The following LRRK2 variants were observed in gnomAD, a reference collection of about 807,000 sequenced individuals.
The protein encoded by LRRK2 is leucine-rich repeat serine/threonine-protein kinase 2.
In LRRK2, 203 loss-of-function variants were observed where a neutral mutation model predicts 302.6. The observed-to-expected ratio is 0.67, with a 90% CI of 0.60 to 0.75. LRRK2 has a LOEUF of 0.75. LRRK2 is among the 30% of genes least tolerant of loss of function. The pLI is 0.00. For missense variants in LRRK2, 2,830 were observed against 2,951.0 expected (o/e 0.96, Z 0.95); for synonymous variants, 1,066 against 1,031.9 (o/e 1.03, Z -0.63).
intron 46 of LRRK2, 42 bp downstream of exon 46, chr12:40,356,229 C>CT: frequency 1.1e-5 from 16 of 1,432,324 alleles, no homozygotes; most frequent in Non-Finnish European, 1.5e-5. Flanking sequence ...TATTTTAAGT[C>CT]TTTTGTTTTA....
intron 20 of LRRK2, among the ~76,000 whole-genome samples, chr12:40,289,080 TTGTG>T (rs2136682700): frequency 6.6e-6 from 1 of 152,030 alleles, no homozygotes; most frequent in South Asian, 2.1e-4. Context: ...AAGTTGATTT[TTGTG>T]TGTGGTGTGT....
chr12:40,348,724 CTCT>C (rs1318364831), intron 43 of LRRK2, among the ~76,000 whole-genome samples: 2 of 152,134 alleles, frequency 1.3e-5, no homozygotes, highest in Non-Finnish European at 2.9e-5. Context: ...GTCTCCTCTT[CTCT>C]TCTTTGAAAT....
chr12:40,272,904 GA>G (rs1943291231), intron 14 of LRRK2, among the ~76,000 whole-genome samples: 1 of 152,090 alleles, frequency 6.6e-6, no homozygotes, highest in East Asian at 1.9e-4. Context: ...AGAAATAAAG[GA>G]AAAATGGTAG....
intron 14 of LRRK2, among the ~76,000 whole-genome samples, chr12:40,266,388 G>A (rs1357850243): frequency 6.6e-6 from 1 of 152,194 alleles, no homozygotes; most frequent in East Asian, 1.9e-4. Flanking sequence ...GCAGCCAACA[G>A]GCACATGAAA....
intron 14 of LRRK2, among the ~76,000 whole-genome samples, chr12:40,267,127 G>A (rs1943051472): frequency 6.6e-6 from 1 of 152,056 alleles, no homozygotes; most frequent in African/African-American, 2.4e-5. Context: ...AAAACTTAAA[G>A]TATAATTAAA....
At position 40,310,825 on chromosome 12, in the gene LRRK2, A is replaced by G. The variant is rs541385262; in HGVS notation, c.4536+176A>G. 5.3e-5 allele frequency among the ~76,000 whole-genome samples: 8 copies of G among 152,156 alleles called. No individual in the cohort carries two copies. The South Asian group carries it at 1.7e-3, about 32-fold the overall frequency. ...ATTATTTATGCCAGACTTCATTTCTAATTCATAGAAATGGGAACAAAAAAT... is the reference window on the plus strand; with the variant it reads ...ATTATTTATGCCAGACTTCATTTCTGATTCATAGAAATGGGAACAAAAAAT... On this transcript the variant is annotated intron_variant, in intron 31 of 50. Transcript: ENST00000298910.
At chr12:40,236,859 T>G (rs1941488386) in intron 4 of LRRK2, among the ~76,000 whole-genome samples, 1 of 150,188 alleles carries the variant, frequency 6.7e-6, no homozygotes, top group East Asian at 1.9e-4. Context: ...TGGGAGGTAT[T>G]TTTTTTTTGA....
intron 25 of LRRK2, among the ~76,000 whole-genome samples, 167 bp from the exon 26 acceptor site, chr12:40,302,622 A>G (rs1475571945): frequency 1.3e-5 from 2 of 152,138 alleles, no homozygotes; most frequent in Non-Finnish European, 2.9e-5. Flanking sequence ...GTTTAGTGGA[A>G]GTATTAAGGC....
rs191392374 is a variant in LRRK2, at chr12:40,290,883, G to T, written c.2690-2662G>T. Reference sequence around the variant, plus strand: ...CTTTTTATAGATTCTTAATTTGGAAGCTTAGAACACTGGTTTTTAGAACCT... The same window carrying T: ...CTTTTTATAGATTCTTAATTTGGAATCTTAGAACACTGGTTTTTAGAACCT... On this transcript the variant is annotated intron_variant, in intron 20 of 50. Transcript: ENST00000298910. Among the ~76,000 whole-genome samples, 435 of 151,924 alleles carry T rather than the reference G, an allele frequency of 2.9e-3. 5 individuals are homozygous for T. The highest frequency in any genetic ancestry group is 9.4e-3 in the Admixed American group (143 of 15,214).
rs111815671 is a variant in LRRK2 at position 40,284,298 on chromosome 12, A to G, written c.2500+165A>G. Among the ~76,000 whole-genome samples the G allele has an allele frequency of 7.9e-5, 12 of 151,576 alleles. 1 individual carries two copies. The highest frequency in any genetic ancestry group is 2.7e-4 in the African/African-American group (11 of 41,422). On this transcript the variant is annotated intron_variant, in intron 19 of 50. Transcript: ENST00000298910. ...TTTGGCTATGAAATACTTCAAAATGACATTTAAGTTCTTTATGAGATAGCA... is the reference window on the plus strand; with the variant it reads ...TTTGGCTATGAAATACTTCAAAATGGCATTTAAGTTCTTTATGAGATAGCA...
intron 49 of LRRK2, 118 bp downstream of exon 49, chr12:40,365,168 C>A: frequency 1.1e-6 from 1 of 912,570 alleles, no homozygotes; most frequent in Non-Finnish European, 1.7e-6. Context: ...CTTGGAGGGT[C>A]ACACAGTGAA....
chr12:40,347,069 TATTAATAAAA>T, intron 42 of LRRK2, 146 bp downstream of exon 42: 1 of 695,010 alleles, frequency 1.4e-6, no homozygotes, highest in Non-Finnish European at 2.3e-6. Flanking sequence ...TCTTGTGATA[TATTAATAAAA>T]ATCACCTGAA....
intron 18 of LRRK2, among the ~76,000 whole-genome samples, chr12:40,283,086 A>T (rs2136653664): frequency 6.6e-6 from 1 of 152,318 alleles, no homozygotes; most frequent in Non-Finnish European, 1.5e-5. Context: ...AATTTAGCAC[A>T]GTAACTGATG....
In LRRK2 at chr12:40,237,914, A is replaced by G. The variant is rs568031921; in HGVS notation, c.437-55A>G. On this transcript the variant is annotated intron_variant, in intron 4 of 50. Coordinates refer to ENST00000298910, the MANE Select transcript of LRRK2 (RefSeq NM_198578.4). ...AAAATTAATTCATGTAAAAATTAAC[A>G]CATTAAATGTTAAAGCAGCTCTTTA... 3.3e-5 allele frequency: 52 copies of G among 1,552,650 alleles called. 1 individual carries two copies. The South Asian group carries it at 5.8e-4, about 17-fold the overall frequency.
In LRRK2 at chr12:40,299,193, A is replaced by T; in HGVS notation, c.3432A>T (p.Leu1144=). 1.2e-6 allele frequency: 2 copies of T among 1,613,678 alleles called. No homozygotes were observed. The highest frequency in any genetic ancestry group is 1.7e-4 in the Middle Eastern group (1 of 6,056). The change falls in exon 25 of 51, where the codon CTA becomes CTT. Residue 1144 remains leucine (L), a synonymous_variant. Coordinates refer to ENST00000298910, the MANE Select transcript of LRRK2 (RefSeq NM_198578.4). The stretch of plus-strand genomic sequence containing the variant: ...TTAGTAAGAACCACATTTCATCCCT[A>T]TCAGAGAACTTTCTTGAGGCTTGTC... ...LNLSKNHISS[L]SENFLEACPK...
At chr12:40,301,989 T>C (rs35124455) in intron 25 of LRRK2, among the ~76,000 whole-genome samples, 2 of 151,844 alleles carry the variant, frequency 1.3e-5, no homozygotes, top group Non-Finnish European at 2.9e-5. Flanking sequence ...CCATCCTGGC[T>C]AACATGGTGA....
rs189598068 is a variant in LRRK2, at chr12:40,271,733, C to A, written c.1657-2850C>A. ...ATAAATATTAATTTTTAAACATTTA[C>A]TTAGCTATTAAAAATCAAATGCTCA... On this transcript the variant is annotated intron_variant, in intron 14 of 50. Transcript: ENST00000298910. Among the ~76,000 whole-genome samples, 247 of 152,112 alleles carry A rather than the reference C, an allele frequency of 1.6e-3. 1 individual carries two copies. The highest frequency in any genetic ancestry group is 5.7e-3 in the African/African-American group (238 of 41,502).
In LRRK2 at chr12:40,304,179, A is replaced by T. The variant is rs1342438675; in HGVS notation, c.3777+45A>T. 3 of 1,569,496 alleles carry T rather than the reference A, an allele frequency of 1.9e-6. No homozygotes were observed. In the Admixed American group the frequency reaches 5.1e-5, roughly 26 times the overall value. On this transcript the variant is annotated intron_variant, in intron 27 of 50. Coordinates refer to ENST00000298910, the MANE Select transcript of LRRK2 (RefSeq NM_198578.4). ...TTAAAAAATATACTTTATGATTTGC[A>T]TCATTACAAATTATCATTTTAAGTG...
chr12:40,238,191 A>T, intron 5 of LRRK2, 88 bp downstream of exon 5: 3 of 1,352,630 alleles, frequency 2.2e-6, no homozygotes, highest in Non-Finnish European at 3.1e-6. Flanking sequence ...AATAAGAAGA[A>T]GGTTTCTAAA....
Sources: gnomAD v4.1 joint callset for allele counts (sites outside exome capture counted in the v4.1 genomes callset) on GRCh38, gnomAD v4.1.1 for gene constraint, MANE v1.5 for transcripts, NCBI Gene and HGNC (gene_info 2026-07-23, HGNC 2026-07-21) for gene names.